Variants in GLCCI1 observed in about 807,000 individuals in gnomAD.
GLCCI1 encodes glucocorticoid induced 1.
GLCCI1 carries 24 observed loss-of-function variants against 52.2 expected under a neutral mutation model. The ratio of observed to expected loss-of-function variants is 0.46; its 90% CI spans 0.33 to 0.65. The LOEUF (loss-of-function observed/expected upper bound fraction) is 0.65, where lower values mean the gene tolerates loss of function less well. Ranked by LOEUF, GLCCI1 falls within the 30% of genes least tolerant of loss-of-function variation. The pLI, the probability that GLCCI1 is intolerant of heterozygous loss-of-function variation, is 0.02. For synonymous variants in GLCCI1, 310 were observed against 276.5 expected (o/e 1.12, Z -1.20); for missense variants, 704 against 701.5 (o/e 1.00, Z -0.04).
chr7:8,052,328 G>A (rs1289786541), intron 3 of GLCCI1, among the ~76,000 whole-genome samples: 1 of 152,146 alleles, frequency 6.6e-6, no homozygotes, highest in East Asian at 1.9e-4. Flanking sequence ...TCTAACTATT[G>A]AATACAAATT....
At chr7:8,020,578 T>A (rs1396668131) in intron 2 of GLCCI1, among the ~76,000 whole-genome samples, 1 of 152,218 alleles carries the variant, frequency 6.6e-6, no homozygotes, top group Non-Finnish European at 1.5e-5. Context: ...TATTAATTTA[T>A]CTGTAAGTTG....
chr7:7,996,414 T>TA (rs886452177), intron 1 of GLCCI1, among the ~76,000 whole-genome samples: 77 of 147,866 alleles, frequency 5.2e-4, no homozygotes, highest in Non-Finnish European at 8.3e-4. Flanking sequence ...TATATGTAAT[T>TA]AAAAAAAAAA....
At chr7:8,031,524 C>T (rs1039776026) in intron 3 of GLCCI1, among the ~76,000 whole-genome samples, 10 of 151,826 alleles carry the variant, frequency 6.6e-5, no homozygotes, top group Non-Finnish European at 7.4e-5. Flanking sequence ...ATTCATTATT[C>T]GTTTAAAAGT....
chr7:7,981,423 A>G (rs1292245260), intron 1 of GLCCI1, among the ~76,000 whole-genome samples: 1 of 152,024 alleles, frequency 6.6e-6, no homozygotes, highest in Non-Finnish European at 1.5e-5. Flanking sequence ...CCTGGGTTCA[A>G]GTGATTCTCC....
chr7:8,000,045 G>C (rs371853944), intron 1 of GLCCI1, among the ~76,000 whole-genome samples: 1 of 152,208 alleles, frequency 6.6e-6, no homozygotes, highest in Non-Finnish European at 1.5e-5. Context: ...AATTTAAGTA[G>C]AGGCTCAAGT....
intron 1 of GLCCI1, among the ~76,000 whole-genome samples, chr7:7,994,721 C>CTG (rs1443589917): frequency 5.3e-5 from 8 of 152,200 alleles, no homozygotes; most frequent in African/African-American, 1.7e-4. Flanking sequence ...TGCTGTCTGT[C>CTG]TGTCGTTAAA....
At chr7:8,052,642 A>G (rs1225522100) in intron 3 of GLCCI1, among the ~76,000 whole-genome samples, 2 of 152,350 alleles carry the variant, frequency 1.3e-5, no homozygotes, top group African/African-American at 2.4e-5. Context: ...TACTTCCCAC[A>G]TTGTCCTAAC....
intron 3 of GLCCI1, among the ~76,000 whole-genome samples, chr7:8,027,220 A>G (rs144305704): frequency 9.7e-4 from 147 of 152,166 alleles, no homozygotes; most frequent in African/African-American, 3.5e-3. Context: ...TGTTGAGGAA[A>G]CTCACGCCTG....
At chr7:7,997,035 G>T (rs955104238) in intron 1 of GLCCI1, among the ~76,000 whole-genome samples, 1 of 152,122 alleles carries the variant, frequency 6.6e-6, no homozygotes, top group Non-Finnish European at 1.5e-5. Context: ...CATTTTATAT[G>T]TCAAGGAGGA....
intron 3 of GLCCI1, among the ~76,000 whole-genome samples, chr7:8,039,538 C>T (rs1293642928): frequency 5.9e-5 from 9 of 152,100 alleles, no homozygotes; most frequent in Admixed American, 3.3e-4. Context: ...AACTCAGAAG[C>T]AGTCAAATAT....
At chr7:7,991,160 C>T (rs1048358936) in intron 1 of GLCCI1, among the ~76,000 whole-genome samples, 1 of 152,060 alleles carries the variant, frequency 6.6e-6, no homozygotes, top group Non-Finnish European at 1.5e-5. Context: ...CTACATTTAA[C>T]CATGGATTTA....
At chr7:8,057,012 T>A (rs1021554713) in intron 4 of GLCCI1, among the ~76,000 whole-genome samples, 2 of 152,124 alleles carry the variant, frequency 1.3e-5, no homozygotes, top group Non-Finnish European at 2.9e-5. Context: ...TTAAAACTAA[T>A]GATAGGATAG....
chr7:7,987,260 C>T (rs994689203), intron 1 of GLCCI1, among the ~76,000 whole-genome samples: 7 of 152,186 alleles, frequency 4.6e-5, no homozygotes, highest in Non-Finnish European at 7.3e-5. Context: ...CTCTAATATA[C>T]ATGATTTTTG....
At chr7:8,057,307 C>T (rs1012180665) in intron 4 of GLCCI1, among the ~76,000 whole-genome samples, 3 of 151,850 alleles carry the variant, frequency 2.0e-5, no homozygotes, top group African/African-American at 4.8e-5. Flanking sequence ...GACAAACATC[C>T]GTCAAGTTGT....
At chr7:8,022,599 C>A in intron 3 of GLCCI1, 30 bp downstream of exon 3, 1 of 1,440,070 alleles carries the variant, frequency 6.9e-7, no homozygotes. Flanking sequence ...CGTCTGTAAC[C>A]TGTTTTGGTC....
intron 2 of GLCCI1, among the ~76,000 whole-genome samples, chr7:8,013,991 CTTT>C (rs561039125): frequency 7.5e-6 from 1 of 133,286 alleles, no homozygotes. Flanking sequence ...AAGGCCTTGA[CTTT>C]TTTTTTTTTT....
At chr7:8,081,340 T>C (rs1315213651) in intron 6 of GLCCI1, among the ~76,000 whole-genome samples, 4 of 152,226 alleles carry the variant, frequency 2.6e-5, no homozygotes, top group African/African-American at 9.7e-5. Flanking sequence ...CACTATTCTA[T>C]TATTGCTTGT....
chr7:7,984,611 A>T (rs1199991729), intron 1 of GLCCI1, among the ~76,000 whole-genome samples: 1 of 152,246 alleles, frequency 6.6e-6, no homozygotes, highest in Non-Finnish European at 1.5e-5. Flanking sequence ...GACCCAATTT[A>T]CAAAATGTTA....
intron 1 of GLCCI1, among the ~76,000 whole-genome samples, chr7:7,983,532 A>G (rs1356532042): frequency 6.6e-6 from 1 of 152,198 alleles, no homozygotes; most frequent in Non-Finnish European, 1.5e-5. Context: ...GCTTCACCAA[A>G]TAATAGCATG....
Sources: gnomAD v4.1 joint callset for allele counts (sites outside exome capture counted in the v4.1 genomes callset) on GRCh38, gnomAD v4.1.1 for gene constraint, MANE v1.5 for transcripts, NCBI Gene and HGNC (gene_info 2026-07-23, HGNC 2026-07-21) for gene names.